SESTD1: variants seen among roughly 807,000 people sequenced by gnomAD.
SESTD1 encodes SEC14 and spectrin domain containing 1, also known as SEC14 domain and spectrin repeat-containing protein 1.
Under a neutral mutation model 101.7 loss-of-function variants are expected in SESTD1, and 43 were observed. That is an observed-to-expected ratio of 0.42 (90% CI 0.33 to 0.55). The LOEUF (loss-of-function observed/expected upper bound fraction) is 0.55. SESTD1 is among the 20% of genes least tolerant of loss of function. The probability of loss-of-function intolerance (pLI) is 0.07; values close to 1 mark genes in which losing one functional copy is unlikely to be tolerated. For missense variants in SESTD1, 647 were observed against 815.1 expected, an observed-to-expected ratio of 0.79 and a Z score of 2.51; for synonymous variants, 283 against 286.8, an observed-to-expected ratio of 0.99 and a Z score of 0.13.
rs2044400897 is a variant in SESTD1 at position 179,107,093 on chromosome 2, A to G, written c.*2806T>C. On this transcript the variant is annotated 3_prime_UTR_variant, in exon 18 of 18. Transcript: ENST00000428443. ...AATTACAAATGAGTGGTTCTTTCAGAGACTTGCAAGCTGATGTTAATTTAT... is the reference window on the plus strand; with the variant it reads ...AATTACAAATGAGTGGTTCTTTCAGGGACTTGCAAGCTGATGTTAATTTAT... The G allele has an allele frequency of 6.6e-6, 1 of 152,160 alleles. No individual in the cohort carries two copies. The highest frequency in any genetic ancestry group is 1.5e-5 in the Non-Finnish European group (1 of 68,020). The allele number at this position is 152,160 out of a possible 1,614,324, so 9.4% of individuals were successfully genotyped here. A position where few individuals can be genotyped will look rare whatever the true frequency, so the allele number is the denominator to read the frequency against.
intron 10 of SESTD1, among the ~76,000 whole-genome samples, chr2:179,126,033 T>C (rs1465958997): frequency 6.6e-6 from 1 of 152,218 alleles, no homozygotes; most frequent in East Asian, 1.9e-4. Context: ...TTCTTCTGTC[T>C]CAACTGGATT....
At chr2:179,252,034 T>C (rs13417919) in intron 1 of SESTD1, among the ~76,000 whole-genome samples, 39,914 of 152,108 alleles carry the variant, frequency 0.26, 5,756 homozygotes, top group South Asian at 0.43. Flanking sequence ...GTCAGCAAAG[T>C]ATTACAGAGA....
intron 5 of SESTD1, among the ~76,000 whole-genome samples, chr2:179,163,030 T>A (rs1480123091): frequency 6.6e-6 from 1 of 151,828 alleles, no homozygotes; most frequent in African/African-American, 2.4e-5. Context: ...AATTGTTGTC[T>A]AACGAGATTG....
chr2:179,136,745 G>T (rs1053681904), intron 9 of SESTD1, among the ~76,000 whole-genome samples: 1 of 152,206 alleles, frequency 6.6e-6, no homozygotes, highest in East Asian at 1.9e-4. Context: ...AGAAACAAAA[G>T]AAGCAGGTTA....
chr2:179,226,930 G>A (rs1008040964), intron 1 of SESTD1, among the ~76,000 whole-genome samples: 1 of 152,172 alleles, frequency 6.6e-6, no homozygotes, highest in African/African-American at 2.4e-5. Context: ...GGAGAAAAAG[G>A]AAGGAGAAAA....
intron 1 of SESTD1, among the ~76,000 whole-genome samples, chr2:179,230,321 A>G (rs1038943141): frequency 1.3e-5 from 2 of 151,562 alleles, no homozygotes; most frequent in East Asian, 3.9e-4. Flanking sequence ...TTTTTTGTAG[A>G]GAATGAGTTT....
intron 17 of SESTD1, among the ~76,000 whole-genome samples, chr2:179,110,912 T>A (rs1341266236): frequency 6.6e-6 from 1 of 152,172 alleles, no homozygotes; most frequent in Non-Finnish European, 1.5e-5. Context: ...AAGGTGGGTG[T>A]GAACTTTGAA....
chr2:179,215,559 G>T lies in SESTD1; in HGVS notation c.-25-23693C>A, dbSNP rs1279392217. Among the ~76,000 whole-genome samples the T allele has an allele frequency of 2.2e-5, 3 of 133,812 alleles. 1 individual carries two copies. The highest frequency in any genetic ancestry group is 4.8e-5 in the Non-Finnish European group (3 of 62,486). 87.8% of individuals were successfully genotyped at this position (133,812 alleles called of 152,430 possible). ...GATTCACAGCCGAATTCTAACAGGG[G>T]TACAAAGAGGAGCTGGTACCATTCC... is the stretch of plus-strand genomic sequence containing the variant. On this transcript the variant is annotated intron_variant, in intron 1 of 17. Coordinates refer to ENST00000428443, the MANE Select transcript of SESTD1 (RefSeq NM_178123.5).
At chr2:179,153,979 C>T (rs2045576751) in intron 5 of SESTD1, among the ~76,000 whole-genome samples, 2 of 149,666 alleles carry the variant, frequency 1.3e-5, no homozygotes, top group African/African-American at 2.5e-5. Context: ...CACGGTGGCT[C>T]ATGCCTATAA....
chr2:179,164,840 C>T (rs1315603745), intron 5 of SESTD1, among the ~76,000 whole-genome samples: 1 of 152,166 alleles, frequency 6.6e-6, no homozygotes, highest in African/African-American at 2.4e-5. Context: ...GCATTGTGGA[C>T]AGCTGGTAAT....
In SESTD1 at chr2:179,215,339, C is replaced by T. The variant is rs533125702; in HGVS notation, c.-25-23473G>A. ...ACTAATCTAACAGAAAAACAAACCA[C>T]CATCAGAGAATACTATAAACACCTC... On this transcript the variant is annotated intron_variant, in intron 1 of 17. Coordinates refer to ENST00000428443, the MANE Select transcript of SESTD1 (RefSeq NM_178123.5). Among the ~76,000 whole-genome samples, 108 of 134,684 alleles carry T rather than the reference C, an allele frequency of 8.0e-4. 20 individuals are homozygous for T. Among genetic ancestry groups the T allele is most frequent in the African/African-American group, 3.1e-3 (106 of 34,128 alleles). 88.4% of individuals were successfully genotyped at this position (134,684 alleles called of 152,430 possible).
chr2:179,240,121 C>T lies in SESTD1; in HGVS notation c.-26+24378G>A, dbSNP rs546886169. The stretch of plus-strand genomic sequence containing the variant: ...GGTCATGGTATACAGACAGTAGAAA[C>T]GCAGAATCCTATAGAATAGAATTCT... On this transcript the variant is annotated intron_variant, in intron 1 of 17. Coordinates refer to ENST00000428443, the MANE Select transcript of SESTD1 (RefSeq NM_178123.5). 1.2e-4 allele frequency among the ~76,000 whole-genome samples: 19 copies of T among 152,162 alleles called. 1 individual carries two copies. In the South Asian group the frequency reaches 3.3e-3, roughly 27 times the overall value.
In SESTD1 at chr2:179,211,476, T is replaced by A. The variant is rs2046650110; in HGVS notation, c.-25-19610A>T. On this transcript the variant is annotated intron_variant, in intron 1 of 17. Coordinates refer to ENST00000428443, the MANE Select transcript of SESTD1 (RefSeq NM_178123.5). ...GTATAAAAACTGGCACACAGACCAGTGGAACAAAATAGAGAACCCAGAAAT... is the reference window on the plus strand; with the variant it reads ...GTATAAAAACTGGCACACAGACCAGAGGAACAAAATAGAGAACCCAGAAAT... 2.3e-5 allele frequency among the ~76,000 whole-genome samples: 3 copies of A among 133,220 alleles called. 1 individual carries two copies. The East Asian group carries it at 6.0e-4, about 27-fold the overall frequency. The allele number at this position is 133,220 out of a possible 152,430, so 87.4% of individuals were successfully genotyped here. A position where few individuals can be genotyped will look rare whatever the true frequency, so the allele number is the denominator to read the frequency against.
chr2:179,264,232 G>T (rs945558245), intron 1 of SESTD1: 6 of 152,076 alleles, frequency 3.9e-5, no homozygotes, highest in African/African-American at 1.2e-4. Context: ...CGGCGCGGAG[G>T]CAAAGGCGGC....
chr2:179,153,720 G>A (rs1205131172), intron 5 of SESTD1, among the ~76,000 whole-genome samples: 1 of 152,096 alleles, frequency 6.6e-6, no homozygotes, highest in African/African-American at 2.4e-5. Context: ...ACACCATGAT[G>A]AGTGAGCTTG....
At chr2:179,190,023 A>C (rs2046297519) in intron 2 of SESTD1, among the ~76,000 whole-genome samples, 1 of 152,132 alleles carries the variant, frequency 6.6e-6, no homozygotes, top group East Asian at 1.9e-4. Flanking sequence ...TCAAACTACC[A>C]ATGTCAATTT....
rs552204186 is a variant in SESTD1 at position 179,151,319 on chromosome 2, T to C, written c.442A>G (p.Ser148Gly). ...PCQLTEDFGG[S>G]LTYDHMDWLN... ...CAGTCCATGTGATCATAGGTGAGAC[T>C]CCCACCAAAATCTTCTGTTAATTGG... The change falls in exon 6 of 18, where the codon AGT becomes GGT. Residue 148 changes from serine (S) to glycine (G), a missense_variant. By Grantham distance (56) the Ser-to-Gly change is moderately conservative. This residue lies in a region of SESTD1 where 168 missense variants were observed against 235.1 expected (regional missense o/e 0.71). Transcript: ENST00000428443. The C allele has an allele frequency of 1.4e-5, 22 of 1,609,008 alleles. No individual in the cohort carries two copies. The Admixed American group carries it at 2.0e-4, about 15-fold the overall frequency.
chr2:179,152,842 A>C (rs2045556669), intron 5 of SESTD1, among the ~76,000 whole-genome samples: 1 of 152,186 alleles, frequency 6.6e-6, no homozygotes, highest in African/African-American at 2.4e-5. Context: ...TAATGAGCTA[A>C]GTGACCCATC....
intron 1 of SESTD1, among the ~76,000 whole-genome samples, chr2:179,230,113 C>CTTTTTTTTTTTTTTTTTTTTTTT (rs71023474): frequency 8.9e-5 from 5 of 56,420 alleles, no homozygotes; most frequent in Admixed American, 2.9e-4. Flanking sequence ...GATTGTATCT[C>CTTTTTTTTTTTTTTTTTTTTTTT]TTTTTTTTTT....
Sources: allele counts gnomAD v4.1 joint callset (sites outside exome capture counted in the v4.1 genomes callset), GRCh38; gene constraint gnomAD v4.1.1; regional missense constraint gnomAD v4.1.1; transcripts MANE v1.5; gene names NCBI Gene and HGNC (gene_info 2026-07-23, HGNC 2026-07-21).